CDH12: variants seen among roughly 807,000 people sequenced by gnomAD.
CDH12 encodes cadherin 12.
In CDH12, 41 loss-of-function variants were observed where a neutral mutation model predicts 74.1. The ratio of observed to expected loss-of-function variants is 0.55; its 90% confidence interval spans 0.43 to 0.72. The LOEUF is 0.72. Ranked by LOEUF, CDH12 falls within the 30% of genes least tolerant of loss-of-function variation. The probability of loss-of-function intolerance (pLI) is 0.00; values close to 1 mark genes in which losing one functional copy is unlikely to be tolerated. For missense variants in CDH12, 945 were observed against 977.2 expected, an observed-to-expected ratio of 0.97 and a Z score of 0.44; for synonymous variants, 399 against 355.0, an observed-to-expected ratio of 1.12 and a Z score of -1.39.
chr5:22,270,574 G>A (rs1241155513), intron 3 of CDH12, among the ~76,000 whole-genome samples: 3 of 143,200 alleles, frequency 2.1e-5, no homozygotes, highest in South Asian at 4.7e-4. Flanking sequence ...CTGCCTAGGC[G>A]GCAGGGTGAG....
chr5:22,825,624 G>A (rs538638497), intron 1 of CDH12, among the ~76,000 whole-genome samples: 8 of 152,292 alleles, frequency 5.3e-5, no homozygotes, highest in East Asian at 1.9e-4. Flanking sequence ...GATTAGTAGG[G>A]AACTAGGGCA....
intron 11 of CDH12, among the ~76,000 whole-genome samples, chr5:21,782,305 CT>C (rs1208740286): frequency 2.0e-5 from 3 of 152,176 alleles, no homozygotes; most frequent in Non-Finnish European, 4.4e-5. Flanking sequence ...TTATGTTAGA[CT>C]TACTTTTAAT....
At chr5:22,580,710 C>T (rs1314653790) in intron 1 of CDH12, 3 of 354,268 alleles carry the variant, frequency 8.5e-6, no homozygotes, top group African/African-American at 2.1e-5. Flanking sequence ...CTGTGTTTGT[C>T]AGCTTTCCAA....
chr5:22,812,660 A>T (rs778653397), intron 1 of CDH12, among the ~76,000 whole-genome samples: 1 of 152,182 alleles, frequency 6.6e-6, no homozygotes, highest in Non-Finnish European at 1.5e-5. Flanking sequence ...AAGTGCAGCA[A>T]GGATTCAAAG....
chr5:22,576,787 T>C (rs185050589), intron 1 of CDH12, among the ~76,000 whole-genome samples: 19 of 151,830 alleles, frequency 1.3e-4, no homozygotes, highest in Admixed American at 1.2e-3. Context: ...GAGAGAGAGA[T>C]ACTGGAAGTG....
At chr5:22,023,284 TG>T (rs1478418651) in intron 5 of CDH12, among the ~76,000 whole-genome samples, 1 of 152,148 alleles carries the variant, frequency 6.6e-6, no homozygotes, top group Admixed American at 6.6e-5. Context: ...TGCAATAAGA[TG>T]TATGCCACCT....
At chr5:22,299,538 C>A (rs1292895338) in intron 3 of CDH12, among the ~76,000 whole-genome samples, 6 of 152,120 alleles carry the variant, frequency 3.9e-5, no homozygotes, top group African/African-American at 9.7e-5. Context: ...TTTGAAAGAG[C>A]TTGAAAATGT....
chr5:22,144,335 G>A (rs1375595000), intron 4 of CDH12, among the ~76,000 whole-genome samples: 1 of 152,114 alleles, frequency 6.6e-6, no homozygotes, highest in African/African-American at 2.4e-5. Context: ...TTGAGTTAAT[G>A]TTAACTTTAT....
chr5:22,105,821 C>T (rs2150254742), intron 4 of CDH12, among the ~76,000 whole-genome samples: 1 of 152,150 alleles, frequency 6.6e-6, no homozygotes, highest in Admixed American at 6.5e-5. Flanking sequence ...TACAAAGACC[C>T]TATTTTTAAA....
intron 1 of CDH12, among the ~76,000 whole-genome samples, chr5:22,577,407 C>T (rs1291795611): frequency 6.6e-6 from 1 of 152,082 alleles, no homozygotes; most frequent in Admixed American, 6.5e-5. Flanking sequence ...AAACTAATAT[C>T]TTGTTCCAGA....
intron 3 of CDH12, among the ~76,000 whole-genome samples, chr5:22,280,076 G>A (rs1431490290): frequency 1.3e-5 from 2 of 152,132 alleles, no homozygotes; most frequent in African/African-American, 2.4e-5. Flanking sequence ...ATTCTAACTG[G>A]TGTGAGATGA....
intron 4 of CDH12, among the ~76,000 whole-genome samples, chr5:22,207,251 A>T (rs1751275188): frequency 6.6e-6 from 1 of 151,908 alleles, no homozygotes; most frequent in African/African-American, 2.4e-5. Flanking sequence ...AGAAAAAAAA[A>T]TTCTACCAAA....
At chr5:22,648,353 A>T (rs1739551170) in intron 1 of CDH12, among the ~76,000 whole-genome samples, 1 of 151,850 alleles carries the variant, frequency 6.6e-6, no homozygotes, top group Non-Finnish European at 1.5e-5. Context: ...TAATTTACAG[A>T]TTGAGTAGAT....
chr5:22,478,551 T>G (rs182611692), intron 2 of CDH12, among the ~76,000 whole-genome samples: 1 of 152,112 alleles, frequency 6.6e-6, no homozygotes, highest in East Asian at 1.9e-4. Context: ...CTTGTTCAAG[T>G]AGAGAAGTAA....
intron 3 of CDH12, among the ~76,000 whole-genome samples, chr5:22,227,368 A>C (rs1580424776): frequency 6.6e-6 from 1 of 152,282 alleles, no homozygotes; most frequent in South Asian, 2.1e-4. Context: ...ACAGATAAAT[A>C]AAGTCCCACA....
chr5:21,975,286 T>C lies in CDH12; in HGVS notation c.331A>G (p.Ile111Val). 2 of 1,597,182 alleles carry C rather than the reference T, an allele frequency of 1.3e-6. No homozygotes were observed. Among genetic ancestry groups the C allele is most frequent in the African/African-American group, 1.3e-5 (1 of 74,962 alleles). ...VFTIDETTGD[I>V]HAIRSLDREE... is the part of the protein sequence containing the mutation. ...CTATCTAGGCTCCTTATTGCATGAATGTCCCCTGTGGTTTCATCAATGGTA... is the reference window on the plus strand; with the variant it reads ...CTATCTAGGCTCCTTATTGCATGAACGTCCCCTGTGGTTTCATCAATGGTA... Residue 111 changes from isoleucine to valine, a missense_variant, in exon 6 of 15, where the codon ATT (isoleucine) becomes GTT (valine). By Grantham distance (29) the Ile-to-Val change is conservative (BLOSUM62 3). Transcript: ENST00000382254.
chr5:22,442,802 G>T (rs539092656), intron 2 of CDH12, among the ~76,000 whole-genome samples: 5 of 152,122 alleles, frequency 3.3e-5, no homozygotes, highest in Non-Finnish European at 5.9e-5. Context: ...GATTTGGAGA[G>T]AAATCAACGT....
chr5:22,147,236 G>T (rs192098752), intron 4 of CDH12, among the ~76,000 whole-genome samples: 28 of 152,144 alleles, frequency 1.8e-4, no homozygotes, highest in African/African-American at 5.8e-4. Flanking sequence ...GATCAACAAT[G>T]GCCATTTTCG....
intron 2 of CDH12, among the ~76,000 whole-genome samples, chr5:22,470,717 C>T: frequency 6.6e-6 from 1 of 152,036 alleles, no homozygotes; most frequent in East Asian, 1.9e-4. Flanking sequence ...CTTGCCCAGT[C>T]TTCTTTTCTA....
Sources: allele counts gnomAD v4.1 joint callset (sites outside exome capture counted in the v4.1 genomes callset), GRCh38; gene constraint gnomAD v4.1.1; transcripts MANE v1.5; gene names NCBI Gene and HGNC (gene_info 2026-07-23, HGNC 2026-07-21).